Variants in C9 observed in about 807,000 individuals in gnomAD.
C9 encodes the protein complement component C9.
Under a neutral mutation model 65.4 loss-of-function variants are expected in C9, and 63 were observed. The ratio of observed to expected loss-of-function variants is 0.96; its 90% CI spans 0.79 to 1.19. The LOEUF (loss-of-function observed/expected upper bound fraction) is 1.19, where lower values mean the gene tolerates loss of function less well. C9 is among the 50% of genes most tolerant of loss of function. The pLI is 0.00. For synonymous variants in C9, 229 were observed against 227.9 expected, an observed-to-expected ratio of 1.00 and a Z score of -0.04; for missense variants, 744 against 670.1, an observed-to-expected ratio of 1.11 and a Z score of -1.22.
At chr5:39,296,537 A>G (rs1306546743) in intron 9 of C9, among the ~76,000 whole-genome samples, 8 of 151,650 alleles carry the variant, frequency 5.3e-5, no homozygotes, top group African/African-American at 1.9e-4. Context: ...AACTATATGA[A>G]GGTTCTTTTG....
chr5:39,357,596 A>G (rs966513142), intron 1 of C9, among the ~76,000 whole-genome samples: 2 of 152,338 alleles, frequency 1.3e-5, no homozygotes, highest in African/African-American at 4.8e-5. Flanking sequence ...AACATGCAAT[A>G]TTTCTTAAGA....
chr5:39,333,336 A>G (rs1753879082), intron 4 of C9, among the ~76,000 whole-genome samples: 1 of 152,140 alleles, frequency 6.6e-6, no homozygotes, highest in Admixed American at 6.5e-5. Flanking sequence ...TGAGAGTGAC[A>G]GTGGGCCAGT....
intron 1 of C9, among the ~76,000 whole-genome samples, chr5:39,356,959 A>G (rs1030595822): frequency 2.0e-4 from 30 of 152,226 alleles, no homozygotes; most frequent in Admixed American, 8.5e-4. Context: ...TTTATCAAAT[A>G]AAACGTATCT....
At chr5:39,358,868 C>G (rs1938628916) in intron 1 of C9, among the ~76,000 whole-genome samples, 2 of 151,242 alleles carry the variant, frequency 1.3e-5, no homozygotes, top group South Asian at 4.2e-4. Context: ...GCCTGTAGTC[C>G]CAGCTACTAG....
intron 1 of C9, among the ~76,000 whole-genome samples, chr5:39,353,859 T>A (rs1754368375): frequency 6.6e-6 from 1 of 151,890 alleles, no homozygotes; most frequent in African/African-American, 2.4e-5. Flanking sequence ...CAGGAAGGGT[T>A]TTTTTTTAAA....
At chr5:39,354,009 C>T (rs942602693) in intron 1 of C9, among the ~76,000 whole-genome samples, 1 of 152,186 alleles carries the variant, frequency 6.6e-6, no homozygotes, top group Non-Finnish European at 1.5e-5. Context: ...GCAAGGCAGG[C>T]TTCCTGGCTG....
intron 10 of C9, among the ~76,000 whole-genome samples, 188 bp from the exon 11 acceptor site, chr5:39,285,421 G>T (rs1752973640): frequency 6.6e-6 from 1 of 152,060 alleles, no homozygotes; most frequent in East Asian, 1.9e-4. Context: ...TATTTGTCTT[G>T]TATACAGAGA....
chr5:39,327,367 T>A (rs879305569), intron 5 of C9, among the ~76,000 whole-genome samples: 1 of 152,104 alleles, frequency 6.6e-6, no homozygotes, highest in Admixed American at 6.5e-5. Context: ...CATTCCTACA[T>A]GAGAAGTGAT....
At chr5:39,363,152 G>A (rs546691452) in intron 1 of C9, among the ~76,000 whole-genome samples, 54 of 152,288 alleles carry the variant, frequency 3.5e-4, no homozygotes, top group African/African-American at 1.3e-3. Context: ...AAAGCAACTT[G>A]GAGGAACTGC....
chr5:39,353,196 T>C lies in C9; in HGVS notation c.78-11000A>G, dbSNP rs1754354047. ...GAATAGCAAGGACATGATTTTTCTTTAGAGCCTCCAGAAAGGAATCTGGCC... is the reference window on the plus strand; with the variant it reads ...GAATAGCAAGGACATGATTTTTCTTCAGAGCCTCCAGAAAGGAATCTGGCC... On this transcript the variant is annotated intron_variant, in intron 1 of 10. Coordinates refer to ENST00000263408, the MANE Select transcript of C9 (RefSeq NM_001737.5). Among the ~76,000 whole-genome samples, 3 of 152,210 alleles carry C rather than the reference T, an allele frequency of 2.0e-5. No homozygotes were observed. The South Asian group carries it at 6.2e-4, about 32-fold the overall frequency.
intron 9 of C9, among the ~76,000 whole-genome samples, chr5:39,294,975 A>T (rs76157786): frequency 0.011 from 1,735 of 152,054 alleles, 40 homozygotes; most frequent in African/African-American, 0.04. Context: ...TGATCATCTC[A>T]ATAGATGCAG....
intron 6 of C9, among the ~76,000 whole-genome samples, chr5:39,313,244 A>G (rs1179451585): frequency 1.3e-5 from 2 of 152,168 alleles, no homozygotes; most frequent in African/African-American, 4.8e-5. Flanking sequence ...TATACTGTAT[A>G]TTTTGAATTC....
At chr5:39,319,464 T>C (rs1410093664) in intron 5 of C9, among the ~76,000 whole-genome samples, 1 of 152,044 alleles carries the variant, frequency 6.6e-6, no homozygotes, top group Non-Finnish European at 1.5e-5. Flanking sequence ...TCTGTAGCCC[T>C]AGACTCAGGA....
chr5:39,287,363 G>C (rs1753008757), intron 10 of C9, among the ~76,000 whole-genome samples: 1 of 151,698 alleles, frequency 6.6e-6, no homozygotes, highest in African/African-American at 2.4e-5. Context: ...GTTAATTTTT[G>C]TATATGGTAA....
At chr5:39,330,621 T>A (rs909658224) in intron 5 of C9, among the ~76,000 whole-genome samples, 1 of 152,220 alleles carries the variant, frequency 6.6e-6, no homozygotes, top group Non-Finnish European at 1.5e-5. Flanking sequence ...ATAATTGTCA[T>A]CTTTCCATCA....
chr5:39,297,455 TA>T (rs1753205065), intron 9 of C9, among the ~76,000 whole-genome samples: 1 of 151,564 alleles, frequency 6.6e-6, no homozygotes, highest in Admixed American at 6.6e-5. Context: ...TTACTTTAGA[TA>T]AAAATAGCAA....
At position 39,292,062 on chromosome 5, in the gene C9, A is replaced by C. The variant is rs567093165; in HGVS notation, c.1417-3111T>G. On this transcript the variant is annotated intron_variant, in intron 9 of 10. Coordinates refer to ENST00000263408, the MANE Select transcript of C9 (RefSeq NM_001737.5). ...AAGAGAATGTGATTGTGGCAGAAGA[A>C]ATATTTGAAGATATAATGACCAAGA... 2.6e-5 allele frequency among the ~76,000 whole-genome samples: 4 copies of C among 151,974 alleles called. No individual in the cohort carries two copies. In the East Asian group the frequency reaches 7.8e-4, roughly 29 times the overall value.
chr5:39,333,769 G>A (rs1753894651), intron 4 of C9, among the ~76,000 whole-genome samples: 2 of 151,874 alleles, frequency 1.3e-5, no homozygotes, highest in Non-Finnish European at 2.9e-5. Flanking sequence ...GCACCGCCAC[G>A]CCTGACTGGT....
At position 39,311,269 on chromosome 5, in the gene C9, G is replaced by A. The variant is rs189914025; in HGVS notation, c.979C>T (p.Pro327Ser). Residue 327 changes from proline to serine, a missense_variant, in exon 7 of 11, where the codon CCA (proline) becomes TCA (serine). By Grantham distance (74) the Pro-to-Ser change is moderately conservative. Transcript: ENST00000263408. ...TTFVDDIKAL[P>S]TTYEKGEYFA... ...TATTCTCCCTTTTCATAGGTAGTTG[G>A]CAAAGCTTTTATATCATCCACAAAA... is the stretch of plus-strand genomic sequence containing the variant. The A allele has an allele frequency of 4.3e-6, 7 of 1,613,742 alleles. No individual in the cohort carries two copies. The East Asian group carries it at 1.1e-4, about 26-fold the overall frequency.
Sources: allele counts gnomAD v4.1 joint callset (sites outside exome capture counted in the v4.1 genomes callset), GRCh38; gene constraint gnomAD v4.1.1; transcripts MANE v1.5; gene names NCBI Gene and HGNC (gene_info 2026-07-23, HGNC 2026-07-21).